Variants in CNTN5 observed in about 807,000 individuals in gnomAD.
The protein encoded by CNTN5 is contactin-5.
A neutral mutation model predicts 129.1 loss-of-function variants in CNTN5; 77 were observed. That is an observed-to-expected ratio of 0.60 (90% CI 0.50 to 0.72). The LOEUF is 0.72. Ranked by LOEUF, CNTN5 falls within the 30% of genes least tolerant of loss-of-function variation. The pLI, the probability that CNTN5 is intolerant of heterozygous loss-of-function variation, is 0.00. For synonymous variants in CNTN5, 509 were observed against 465.6 expected (o/e 1.09, Z -1.20); for missense variants, 1,478 against 1,328.8 (o/e 1.11, Z -1.75).
At chr11:99,512,071 G>A (rs1232799538) in intron 2 of CNTN5, among the ~76,000 whole-genome samples, 2 of 152,078 alleles carry the variant, frequency 1.3e-5, no homozygotes, top group African/African-American at 4.8e-5. Context: ...AAAGTCTACA[G>A]TAGTGTACAG....
At chr11:99,815,582 A>C (rs1946561387) in intron 3 of CNTN5, among the ~76,000 whole-genome samples, 1 of 152,142 alleles carries the variant, frequency 6.6e-6, no homozygotes, top group South Asian at 2.1e-4. Context: ...GTTCCAGACC[A>C]TGTCCAGATC....
chr11:99,178,241 G>C (rs1857873121), intron 1 of CNTN5, among the ~76,000 whole-genome samples: 1 of 151,684 alleles, frequency 6.6e-6, no homozygotes, highest in Non-Finnish European at 1.5e-5. Context: ...AGCACATTTG[G>C]AGGCCAAGGC....
At chr11:99,655,661 A>G (rs553197588) in intron 3 of CNTN5, among the ~76,000 whole-genome samples, 1 of 151,704 alleles carries the variant, frequency 6.6e-6, no homozygotes, top group Admixed American at 6.5e-5. Flanking sequence ...TAGAAGCATC[A>G]GTCTTTATTT....
chr11:99,927,318 A>G (rs1950084871), intron 7 of CNTN5, among the ~76,000 whole-genome samples: 1 of 152,180 alleles, frequency 6.6e-6, no homozygotes, highest in Non-Finnish European at 1.5e-5. Flanking sequence ...CTAATAAATA[A>G]AAACACAGAG....
At position 100,067,393 on chromosome 11, in the gene CNTN5, C is replaced by T. The variant is rs74518741; in HGVS notation, c.1163-3031C>T. ...TTGCTTGAAAGCTTTTATATCAAGTCAATTAACAAGCAGGCTATATATACT... is the reference window on the plus strand; with the variant it reads ...TTGCTTGAAAGCTTTTATATCAAGTTAATTAACAAGCAGGCTATATATACT... On this transcript the variant is annotated intron_variant, in intron 10 of 24. Transcript: ENST00000524871. Among the ~76,000 whole-genome samples, 1,071 of 151,418 alleles carry T rather than the reference C, an allele frequency of 7.1e-3. 13 individuals are homozygous for T. The highest frequency in any genetic ancestry group is 0.024 in the African/African-American group (1,001 of 41,304).
At chr11:99,112,905 T>C (rs1161288443) in intron 1 of CNTN5, among the ~76,000 whole-genome samples, 1 of 151,956 alleles carries the variant, frequency 6.6e-6, no homozygotes, top group Non-Finnish European at 1.5e-5. Flanking sequence ...AAAAATTATC[T>C]CCCTTTTTAA....
At chr11:100,227,076 A>T (rs1025858386) in intron 16 of CNTN5, among the ~76,000 whole-genome samples, 3 of 152,116 alleles carry the variant, frequency 2.0e-5, no homozygotes, top group African/African-American at 4.8e-5. Context: ...TTCCCCATTC[A>T]TCTTTTAGTA....
Position 100,357,569 on chromosome 11 carries a change from G to A in CNTN5, c.*1349G>A, listed in dbSNP as rs565110858. The A allele has an allele frequency of 4.8e-4, 73 of 151,884 alleles. No individual in the cohort carries two copies. Among genetic ancestry groups the A allele is most frequent in the Admixed American group, 2.9e-3 (44 of 15,204 alleles). The allele number at this position is 151,884 out of a possible 1,614,324, so 9.4% of individuals were successfully genotyped here. On this transcript the variant is annotated 3_prime_UTR_variant, in exon 25 of 25. Transcript: ENST00000524871. Reference sequence around the variant, plus strand: ...GTTGGCATCATACCCATGAAGATGCGTGAAAGGATAGTTATTGCAAAGTCA... The same window carrying A: ...GTTGGCATCATACCCATGAAGATGCATGAAAGGATAGTTATTGCAAAGTCA...
intron 6 of CNTN5, among the ~76,000 whole-genome samples, chr11:99,846,420 A>C (rs1481985686): frequency 6.6e-6 from 1 of 151,432 alleles, no homozygotes; most frequent in Non-Finnish European, 1.5e-5. Context: ...GTTCTTAAAA[A>C]CTCTTGAAAT....
chr11:100,181,541 A>G (rs1948139442), intron 13 of CNTN5, among the ~76,000 whole-genome samples: 2 of 152,144 alleles, frequency 1.3e-5, no homozygotes, highest in Middle Eastern at 3.4e-3. Flanking sequence ...AAAATATTGT[A>G]TAAAACTTAA....
chr11:99,437,753 G>A (rs887217291), intron 2 of CNTN5, among the ~76,000 whole-genome samples: 8 of 152,156 alleles, frequency 5.3e-5, no homozygotes, highest in African/African-American at 1.9e-4. Flanking sequence ...AACCTGAGAG[G>A]CAGAGGTTGC....
intron 2 of CNTN5, among the ~76,000 whole-genome samples, chr11:99,486,722 C>T (rs1390834529): frequency 6.6e-6 from 1 of 151,984 alleles, no homozygotes; most frequent in Non-Finnish European, 1.5e-5. Flanking sequence ...TTGATTTTTG[C>T]ATTGTTGTTG....
At position 100,357,688 on chromosome 11, in the gene CNTN5, T is replaced by C. The variant is rs1016783527; in HGVS notation, c.*1468T>C. On this transcript the variant is annotated 3_prime_UTR_variant, in exon 25 of 25. Transcript: ENST00000524871. ...TTTATAATTTTATATAATTTAAACTTGTTAACTGTATTTGCTTCATTAATA... is the reference window on the plus strand; with the variant it reads ...TTTATAATTTTATATAATTTAAACTCGTTAACTGTATTTGCTTCATTAATA... The C allele has an allele frequency of 6.6e-6, 1 of 151,442 alleles. No individual in the cohort carries two copies. Among genetic ancestry groups the C allele is most frequent in the Non-Finnish European group, 1.5e-5 (1 of 67,796 alleles). The allele number at this position is 151,442 out of a possible 1,614,324, so 9.4% of individuals were successfully genotyped here.
At chr11:99,906,461 T>G (rs997073977) in intron 6 of CNTN5, among the ~76,000 whole-genome samples, 2 of 152,322 alleles carry the variant, frequency 1.3e-5, no homozygotes, top group South Asian at 2.1e-4. Context: ...TTGCATATGT[T>G]GAACCAGCCT....
chr11:99,784,585 A>G (rs759453758), intron 3 of CNTN5, among the ~76,000 whole-genome samples: 17 of 151,994 alleles, frequency 1.1e-4, no homozygotes, highest in South Asian at 2.1e-4. Flanking sequence ...TTGGGTATAT[A>G]CCCAGTCATA....
At chr11:99,096,243 A>T (rs1866463152) in intron 1 of CNTN5, among the ~76,000 whole-genome samples, 1 of 151,882 alleles carries the variant, frequency 6.6e-6, no homozygotes, top group Admixed American at 6.6e-5. Context: ...AATTAGTAAA[A>T]ATGCCTAATT....
chr11:100,067,563 G>C (rs1235269323), intron 10 of CNTN5, among the ~76,000 whole-genome samples: 1 of 151,590 alleles, frequency 6.6e-6, no homozygotes, highest in African/African-American at 2.4e-5. Context: ...TGGTACAAAA[G>C]ATTCACACAC....
chr11:100,024,839 A>C (rs1941335052), intron 9 of CNTN5, among the ~76,000 whole-genome samples: 1 of 152,160 alleles, frequency 6.6e-6, no homozygotes, highest in Admixed American at 6.5e-5. Flanking sequence ...AAAAACATTC[A>C]GTTTTATGCC....
intron 1 of CNTN5, among the ~76,000 whole-genome samples, chr11:99,169,866 G>C (rs565816438): frequency 6.6e-6 from 1 of 151,988 alleles, no homozygotes; most frequent in South Asian, 2.1e-4. Context: ...AGTTTATCTA[G>C]GTATAGAAAT....
Sources: gnomAD v4.1 joint callset for allele counts (sites outside exome capture counted in the v4.1 genomes callset) on GRCh38, gnomAD v4.1.1 for gene constraint, MANE v1.5 for transcripts, NCBI Gene and HGNC (gene_info 2026-07-23, HGNC 2026-07-21) for gene names.